SNX29: variants seen among roughly 807,000 people sequenced by gnomAD.
The protein encoded by SNX29 is sorting nexin-29.
A neutral mutation model predicts 102.1 loss-of-function variants in SNX29; 78 were observed. The ratio of observed to expected loss-of-function variants is 0.76; its 90% CI spans 0.64 to 0.92. SNX29 has a LOEUF of 0.92. Among genes scored for constraint, SNX29 ranks in the 40% least tolerant of loss-of-function variants. SNX29 has a pLI of 0.00. For synonymous variants in SNX29, 580 were observed against 414.5 expected (o/e 1.40, Z -4.85); for missense variants, 1,280 against 1,061.7 (o/e 1.21, Z -2.86).
intron 13 of SNX29, among the ~76,000 whole-genome samples, chr16:12,181,463 C>T (rs990074615): frequency 6.6e-6 from 1 of 152,164 alleles, no homozygotes; most frequent in African/African-American, 2.4e-5. Flanking sequence ...ATTAGCCTCT[C>T]CAAAGGAGGC....
intron 15 of SNX29, among the ~76,000 whole-genome samples, chr16:12,286,758 G>A (rs1057330818): frequency 6.6e-6 from 1 of 152,034 alleles, no homozygotes; most frequent in Non-Finnish European, 1.5e-5. Context: ...GTACCTCTTG[G>A]CCAGTCTTGC....
chr16:12,197,599 C>T (rs1168041670), intron 13 of SNX29, among the ~76,000 whole-genome samples: 1 of 152,128 alleles, frequency 6.6e-6, no homozygotes, highest in Non-Finnish European at 1.5e-5. Flanking sequence ...AAAACACATG[C>T]TGTACAATCC....
chr16:12,538,104 C>T (rs145016695), intron 20 of SNX29, among the ~76,000 whole-genome samples: 2 of 144,462 alleles, frequency 1.4e-5, no homozygotes, highest in African/African-American at 5.2e-5. Context: ...TCACAGCTTT[C>T]TGCATTTCCC....
intron 13 of SNX29, among the ~76,000 whole-genome samples, chr16:12,196,628 T>C (rs1226452031): frequency 1.4e-5 from 2 of 147,630 alleles, no homozygotes; most frequent in African/African-American, 4.9e-5. Context: ...TTTTCTTTTT[T>C]TTTTTTTTTT....
intron 18 of SNX29, among the ~76,000 whole-genome samples, chr16:12,438,138 AG>A (rs1289808929): frequency 1.3e-5 from 2 of 151,372 alleles, no homozygotes; most frequent in East Asian, 2.0e-4. Context: ...TGGGGAGGTG[AG>A]GGGGCAGGAG....
chr16:12,230,196 T>A (rs371982810), intron 14 of SNX29, among the ~76,000 whole-genome samples: 1 of 152,220 alleles, frequency 6.6e-6, no homozygotes, highest in Non-Finnish European at 1.5e-5. Flanking sequence ...TGTCAAAGTT[T>A]GCCTGCAAAC....
At chr16:12,342,128 G>C (rs569390328) in intron 15 of SNX29, among the ~76,000 whole-genome samples, 4 of 152,244 alleles carry the variant, frequency 2.6e-5, no homozygotes, top group African/African-American at 7.2e-5. Context: ...CTCTGTTGGG[G>C]GTGGCCTAGG....
At chr16:12,480,282 GC>G (rs1176241828) in intron 19 of SNX29, among the ~76,000 whole-genome samples, 1 of 152,150 alleles carries the variant, frequency 6.6e-6, no homozygotes, top group Non-Finnish European at 1.5e-5. Context: ...TCCTTCTGGA[GC>G]CCCAGGAGAG....
At chr16:12,223,645 C>T (rs2142133210) in intron 14 of SNX29, among the ~76,000 whole-genome samples, 1 of 152,276 alleles carries the variant, frequency 6.6e-6, no homozygotes, top group South Asian at 2.1e-4. Flanking sequence ...GCCTGGGTGA[C>T]AAGAGAAGAA....
chr16:12,398,479 C>T lies in SNX29; in HGVS notation c.1933C>T (p.Gln645Ter). 6.2e-7 allele frequency: 1 copy of T among 1,613,976 alleles called. No individual in the cohort carries two copies. The highest frequency in any genetic ancestry group is 8.5e-7 in the Non-Finnish European group (1 of 1,179,884). Residue 645 changes from glutamine to a stop codon, truncating the protein, a stop_gained, in exon 17 of 21, where the codon CAG (glutamine) becomes TAG (stop). Coordinates refer to ENST00000566228, the MANE Select transcript of SNX29 (RefSeq NM_032167.5). LOFTEE classifies it high-confidence loss of function. ...AGATTTGAGTCAAACGTCCGAAGAC[C>T]AGAGTTTGTCGGATTTTGAAATGTA... ...PGDLSQTSEDQSLSDFEISNR... is the reference protein window; with the variant it reads ...PGDLSQTSED
At chr16:12,557,372 G>C (rs1301841874) in intron 20 of SNX29, 2 of 152,166 alleles carry the variant, frequency 1.3e-5, no homozygotes, top group Non-Finnish European at 2.9e-5. Flanking sequence ...GAATGGTTGA[G>C]GGCTTGCGAA....
At chr16:12,049,549 T>G (rs2151208338) in intron 7 of SNX29, among the ~76,000 whole-genome samples, 1 of 152,228 alleles carries the variant, frequency 6.6e-6, no homozygotes, top group Middle Eastern at 3.4e-3. Flanking sequence ...GCCAGGCTGG[T>G]CTTGAACTCC....
rs183352735 is a variant in SNX29, at chr16:12,568,210, A to G, written c.2319-296A>G. 1.3e-4 allele frequency among the ~76,000 whole-genome samples: 20 copies of G among 151,720 alleles called. 1 individual carries two copies. The highest frequency in any genetic ancestry group is 1.2e-3 in the Admixed American group (19 of 15,250). ...TGGGGAAGAAAGCTGTGCCTAGAAC[A>G]TTCTTTCATAGCCTTAAAATGTAGA... On this transcript the variant is annotated intron_variant, in intron 20 of 20. Transcript: ENST00000566228.
rs2079121236 is a variant in SNX29 at position 12,568,801 on chromosome 16, C to CCGCATGATACCGTGACCCGAGAGACCAAG, written c.*173_*201dup. ...CCGATTAAACTAATCAGTCTTCGAG[C>CCGCATGATACCGTGACCCGAGAGACCAAG]CGCATGATACCGTGACCCGAGAGAC... On this transcript the variant is annotated 3_prime_UTR_variant, in exon 21 of 21. Coordinates refer to ENST00000566228, the MANE Select transcript of SNX29 (RefSeq NM_032167.5). 2 of 1,026,498 alleles carry CCGCATGATACCGTGACCCGAGAGACCAAG rather than the reference C, an allele frequency of 1.9e-6. No homozygotes were observed. The highest frequency in any genetic ancestry group is 1.6e-5 in the African/African-American group (1 of 61,798). 63.6% of individuals were successfully genotyped at this position (1,026,498 alleles called of 1,614,324 possible).
intron 18 of SNX29, among the ~76,000 whole-genome samples, chr16:12,442,716 G>C (rs561292859): frequency 1.3e-5 from 2 of 151,582 alleles, no homozygotes; most frequent in African/African-American, 4.8e-5. Context: ...TCAACCTCTC[G>C]AGTAGCTGGG....
intron 20 of SNX29, among the ~76,000 whole-genome samples, chr16:12,567,726 C>T (rs1341711623): frequency 1.3e-5 from 2 of 152,184 alleles, no homozygotes; most frequent in African/African-American, 4.8e-5. Context: ...TACACGATTG[C>T]ACTGTAAAAC....
chr16:12,103,390 A>G (rs1024148643), intron 11 of SNX29, among the ~76,000 whole-genome samples: 2 of 152,212 alleles, frequency 1.3e-5, no homozygotes, highest in African/African-American at 4.8e-5. Context: ...GAGGCCTCAG[A>G]AATAATGCCA....
chr16:12,028,673 C>CT (rs1220389722), intron 4 of SNX29, among the ~76,000 whole-genome samples: 2 of 151,598 alleles, frequency 1.3e-5, no homozygotes, highest in East Asian at 3.9e-4. Context: ...TCCAACAGTT[C>CT]TTTTTTTTAA....
intron 15 of SNX29, among the ~76,000 whole-genome samples, chr16:12,303,711 C>T (rs1346224160): frequency 1.3e-5 from 2 of 152,202 alleles, no homozygotes; most frequent in African/African-American, 4.8e-5. Flanking sequence ...TATGGTTCCT[C>T]ATTTCCTATA....
Sources: allele counts gnomAD v4.1 joint callset (sites outside exome capture counted in the v4.1 genomes callset), GRCh38; gene constraint gnomAD v4.1.1; transcripts MANE v1.5; gene names NCBI Gene and HGNC (gene_info 2026-07-23, HGNC 2026-07-21).